ANKS1B: variants seen among roughly 807,000 people sequenced by gnomAD.
The protein encoded by ANKS1B is ankyrin repeat and sterile alpha motif domain containing 1B, also known as ankyrin repeat and sterile alpha motif domain-containing protein 1B.
A neutral mutation model predicts 148.3 loss-of-function variants in ANKS1B; 36 were observed. The ratio of observed to expected loss-of-function variants is 0.24; its 90% CI spans 0.19 to 0.32. The LOEUF is 0.32. Ranked by LOEUF, ANKS1B falls within the 10% of genes least tolerant of loss-of-function variation. ANKS1B has a pLI of 1.00. For missense variants in ANKS1B, 1,157 were observed against 1,542.6 expected (o/e 0.75, Z 4.19); for synonymous variants, 542 against 560.8 (o/e 0.97, Z 0.47).
chr12:99,802,126 TCTTA>T (rs1261683395), intron 4 of ANKS1B, among the ~76,000 whole-genome samples: 2 of 152,210 alleles, frequency 1.3e-5, no homozygotes, highest in African/African-American at 4.8e-5. Flanking sequence ...AAAAGCTGTA[TCTTA>T]CTTAGTTTTG....
At chr12:99,798,764 C>G (rs1009723660) in intron 4 of ANKS1B, among the ~76,000 whole-genome samples, 2 of 151,952 alleles carry the variant, frequency 1.3e-5, no homozygotes, top group Non-Finnish European at 2.9e-5. Context: ...AAGAAATCTC[C>G]CTCTATTAAA....
chr12:99,704,371 A>G (rs1250705491), intron 8 of ANKS1B, among the ~76,000 whole-genome samples: 4 of 152,142 alleles, frequency 2.6e-5, no homozygotes, highest in African/African-American at 7.2e-5. Flanking sequence ...TACATTAAAA[A>G]ATAGAATGAA....
intron 12 of ANKS1B, among the ~76,000 whole-genome samples, chr12:99,370,891 C>T (rs558917414): frequency 6.6e-6 from 1 of 152,270 alleles, no homozygotes; most frequent in Admixed American, 6.5e-5. Flanking sequence ...TACTTCGATG[C>T]ACTCTACTGA....
chr12:98,847,052 T>C (rs1157246606), intron 17 of ANKS1B, among the ~76,000 whole-genome samples: 2 of 152,214 alleles, frequency 1.3e-5, no homozygotes, highest in Admixed American at 1.3e-4. Flanking sequence ...ACTATAAGCA[T>C]ACCCATCAGC....
chr12:99,746,438 C>T (rs2060600176), intron 8 of ANKS1B, among the ~76,000 whole-genome samples: 1 of 152,126 alleles, frequency 6.6e-6, no homozygotes. Flanking sequence ...TTGCAGTTTT[C>T]ATTGCTTGTG....
intron 26 of ANKS1B, among the ~76,000 whole-genome samples, chr12:98,749,048 T>C (rs970687148): frequency 2.2e-4 from 33 of 152,190 alleles, no homozygotes; most frequent in African/African-American, 7.2e-4. Context: ...ACACCTGCTA[T>C]GGGCCTGGTT....
Position 99,600,656 on chromosome 12 carries a change from A to G in ANKS1B, c.1272+54411T>C, listed in dbSNP as rs1450583394. Among the ~76,000 whole-genome samples, 4 of 151,998 alleles carry G rather than the reference A, an allele frequency of 2.6e-5. No individual in the cohort carries two copies. In the East Asian group the frequency reaches 5.8e-4, roughly 22 times the overall value. ...AGCCATTAGCTCCCAAAAGACATCA[A>G]TCACGCCTGCCAAGACACACAGTTA... On this transcript the variant is annotated intron_variant, in intron 9 of 26. Coordinates refer to ENST00000683438, the MANE Select transcript of ANKS1B (RefSeq NM_001352186.2).
At position 99,919,785 on chromosome 12, in the gene ANKS1B, A is replaced by AAAAAAC. The variant is rs1297692734; in HGVS notation, c.134+64318_134+64319insGTTTTT. ...TTGAAATGTGCTGCAGAGTTAAAAA[A>AAAAAAC]AAAAAAAAACCTGGATTTCAAAAAC... On this transcript the variant is annotated intron_variant, in intron 1 of 26. Transcript: ENST00000683438. Among the ~76,000 whole-genome samples the AAAAAAC allele has an allele frequency of 8.6e-4, 130 of 152,030 alleles. 1 individual carries two copies. Among genetic ancestry groups the AAAAAAC allele is most frequent in the African/African-American group, 2.8e-3 (118 of 41,504 alleles).
chr12:99,002,693 T>G (rs2099933762), intron 17 of ANKS1B, among the ~76,000 whole-genome samples: 1 of 152,216 alleles, frequency 6.6e-6, no homozygotes, highest in Non-Finnish European at 1.5e-5. Flanking sequence ...GTTATTAGTA[T>G]TTTTGCTCTT....
intron 8 of ANKS1B, among the ~76,000 whole-genome samples, chr12:99,715,965 T>C (rs954125107): frequency 3.3e-5 from 5 of 152,166 alleles, no homozygotes; most frequent in Admixed American, 2.0e-4. Flanking sequence ...TGTTTAATCA[T>C]TGCAGGGACG....
At chr12:99,432,938 T>C (rs1024140982) in intron 11 of ANKS1B, among the ~76,000 whole-genome samples, 1 of 152,152 alleles carries the variant, frequency 6.6e-6, no homozygotes, top group Non-Finnish European at 1.5e-5. Flanking sequence ...TCATGCTTCT[T>C]TACTTTCAGT....
rs551119087 is a variant in ANKS1B at position 99,428,103 on chromosome 12, C to G, written c.1575+15570G>C. ...AATCATGTTGACAATGTAATAAGAT[C>G]ACTCTCCTCACATGGGAAGGAGTCT... On this transcript the variant is annotated intron_variant, in intron 11 of 26. Transcript: ENST00000683438. 1.4e-4 allele frequency among the ~76,000 whole-genome samples: 22 copies of G among 152,284 alleles called. No homozygotes were observed. The South Asian group carries it at 4.6e-3, about 32-fold the overall frequency.
chr12:99,386,649 A>G (rs924524788), intron 12 of ANKS1B, among the ~76,000 whole-genome samples: 2 of 152,224 alleles, frequency 1.3e-5, no homozygotes, highest in African/African-American at 4.8e-5. Flanking sequence ...GGCTTTCTAG[A>G]GTGAAATTAA....
rs139748634 is a variant in ANKS1B at position 99,663,978 on chromosome 12, A to G, written c.1129-8768T>C. Among the ~76,000 whole-genome samples the G allele has an allele frequency of 8.2e-4, 125 of 152,268 alleles. 1 individual carries two copies. Among genetic ancestry groups the G allele is most frequent in the Non-Finnish European group, 1.8e-4 (12 of 67,986 alleles). On this transcript the variant is annotated intron_variant, in intron 8 of 26. Coordinates refer to ENST00000683438, the MANE Select transcript of ANKS1B (RefSeq NM_001352186.2). ...TTCTACTTATATACAATCAATTTGA[A>G]CGTTTTTATTATCTCTCAAAACTTT...
rs543620935 is a variant in ANKS1B, at chr12:99,958,324, G to C, written c.134+25780C>G. Among the ~76,000 whole-genome samples the C allele has an allele frequency of 5.3e-5, 8 of 152,328 alleles. No homozygotes were observed. In the East Asian group the frequency reaches 1.5e-3, roughly 29 times the overall value. ...AGCCAAACCACAAAAGGCCTCAAGT[G>C]ATGTGCCAAAGAGTATGGACTTTAT... is the stretch of plus-strand genomic sequence containing the variant. On this transcript the variant is annotated intron_variant, in intron 1 of 26. Coordinates refer to ENST00000683438, the MANE Select transcript of ANKS1B (RefSeq NM_001352186.2).
At chr12:99,562,563 G>C (rs2097347713) in intron 9 of ANKS1B, among the ~76,000 whole-genome samples, 2 of 152,168 alleles carry the variant, frequency 1.3e-5, no homozygotes, top group African/African-American at 4.8e-5. Context: ...AGGTTTAATT[G>C]ACTTACAGTT....
intron 1 of ANKS1B, among the ~76,000 whole-genome samples, chr12:99,870,284 T>A (rs2091338210): frequency 6.6e-6 from 1 of 152,220 alleles, no homozygotes; most frequent in African/African-American, 2.4e-5. Context: ...CAATCTTTTT[T>A]ATGGCTGTAT....
At chr12:99,841,528 G>T (rs1009726194) in intron 1 of ANKS1B, among the ~76,000 whole-genome samples, 18 of 151,886 alleles carry the variant, frequency 1.2e-4, no homozygotes, top group African/African-American at 4.3e-4. Flanking sequence ...AGAGTTTGGG[G>T]CCTTTTTTCT....
chr12:98,854,987 G>A (rs911363259), intron 17 of ANKS1B, among the ~76,000 whole-genome samples: 6 of 151,586 alleles, frequency 4.0e-5, no homozygotes, highest in Non-Finnish European at 5.9e-5. Flanking sequence ...GTGAAACCCC[G>A]TCTCTACTAA....
Sources: gnomAD v4.1 joint callset for allele counts (sites outside exome capture counted in the v4.1 genomes callset) on GRCh38, gnomAD v4.1.1 for gene constraint, MANE v1.5 for transcripts, NCBI Gene and HGNC (gene_info 2026-07-23, HGNC 2026-07-21) for gene names.